Variants in SHANK2 observed in about 807,000 individuals in gnomAD.
SHANK2 encodes the protein SH3 and multiple ankyrin repeat domains protein 2.
A neutral mutation model predicts 133.7 loss-of-function variants in SHANK2; 43 were observed. The observed-to-expected ratio is 0.32, with a 90% CI of 0.25 to 0.41. SHANK2 has a LOEUF of 0.41. Ranked by LOEUF, SHANK2 falls within the 10% of genes least tolerant of loss-of-function variation. The pLI, the probability that SHANK2 is intolerant of heterozygous loss-of-function variation, is 1.00. For missense variants in SHANK2, 1,994 were observed against 2,235.8 expected, an observed-to-expected ratio of 0.89 and a Z score of 2.18; for synonymous variants, 1,017 against 952.8, an observed-to-expected ratio of 1.07 and a Z score of -1.24.
intron 17 of SHANK2, among the ~76,000 whole-genome samples, chr11:70,527,740 G>T (rs1217817100): frequency 2.0e-5 from 3 of 152,186 alleles, no homozygotes; most frequent in Non-Finnish European, 4.4e-5. Flanking sequence ...CATGGAGAAG[G>T]CCCCTCTGAT....
At chr11:71,244,996 A>C (rs1378343185) in intron 1 of SHANK2, among the ~76,000 whole-genome samples, 1 of 149,390 alleles carries the variant, frequency 6.7e-6, no homozygotes, top group Non-Finnish European at 1.5e-5. Flanking sequence ...GAGCCACTGC[A>C]CTATTTTTTT....
At chr11:70,571,670 G>C (rs1554983113) in intron 17 of SHANK2, among the ~76,000 whole-genome samples, 2 of 152,104 alleles carry the variant, frequency 1.3e-5, no homozygotes, top group African/African-American at 2.4e-5. Context: ...CCAGGTGTCT[G>C]TGCAGGGAGC....
chr11:70,740,961 T>C (rs909068869), intron 14 of SHANK2, among the ~76,000 whole-genome samples: 1 of 152,182 alleles, frequency 6.6e-6, no homozygotes, highest in Non-Finnish European at 1.5e-5. Flanking sequence ...CTGAGACTGA[T>C]TTGATGGGCA....
chr11:71,075,999 T>C (rs1467570017), intron 8 of SHANK2, among the ~76,000 whole-genome samples: 1 of 152,144 alleles, frequency 6.6e-6, no homozygotes, highest in Non-Finnish European at 1.5e-5. Flanking sequence ...AAACAACCCT[T>C]AACCCTCACA....
intron 10 of SHANK2, among the ~76,000 whole-genome samples, chr11:70,918,667 G>A (rs1950304720): frequency 6.6e-6 from 1 of 151,932 alleles, no homozygotes; most frequent in Admixed American, 6.5e-5. Context: ...AACTACACCT[G>A]GCTAATTTTC....
At chr11:70,707,351 G>A (rs1174612594) in intron 14 of SHANK2, among the ~76,000 whole-genome samples, 1 of 125,322 alleles carries the variant, frequency 8.0e-6, no homozygotes, top group South Asian at 2.8e-4. Flanking sequence ...CAGCCTGGGC[G>A]ACAGAGTGAA....
chr11:71,251,415 T>G (rs1555125836), intron 1 of SHANK2, among the ~76,000 whole-genome samples: 1 of 152,022 alleles, frequency 6.6e-6, no homozygotes, highest in African/African-American at 2.4e-5. Context: ...TGGTCGCACC[T>G]GCTGGCTCAG....
chr11:70,719,632 C>T (rs549719607), intron 14 of SHANK2, among the ~76,000 whole-genome samples: 1 of 152,058 alleles, frequency 6.6e-6, no homozygotes, highest in Non-Finnish European at 1.5e-5. Flanking sequence ...ATAAAAATAG[C>T]CCTACCTGGC....
intron 14 of SHANK2, among the ~76,000 whole-genome samples, chr11:70,720,970 T>C (rs1946063903): frequency 6.6e-6 from 1 of 152,226 alleles, no homozygotes; most frequent in Non-Finnish European, 1.5e-5. Context: ...ATCTCAAGGC[T>C]TTCTTTCCCT....
intron 12 of SHANK2, among the ~76,000 whole-genome samples, chr11:70,819,336 G>A (rs1248575724): frequency 6.6e-6 from 1 of 152,258 alleles, no homozygotes; most frequent in African/African-American, 2.4e-5. Context: ...AACTCCTGGA[G>A]CAGCTGTACC....
At chr11:71,193,414 G>A (rs1187571678) in intron 2 of SHANK2, among the ~76,000 whole-genome samples, 5 of 152,292 alleles carry the variant, frequency 3.3e-5, no homozygotes, top group East Asian at 1.9e-4. Flanking sequence ...GCTCCACTAC[G>A]ATCAGCAGAG....
chr11:71,058,248 G>T (rs36189518), intron 9 of SHANK2, among the ~76,000 whole-genome samples: 54,497 of 152,026 alleles, frequency 0.36, 13,631 homozygotes, highest in African/African-American at 0.71. Context: ...TGATTGGGCA[G>T]CTACCATTTG....
At chr11:70,706,537 C>A (rs966148373) in intron 14 of SHANK2, among the ~76,000 whole-genome samples, 1 of 152,222 alleles carries the variant, frequency 6.6e-6, no homozygotes, top group East Asian at 1.9e-4. Context: ...TGGGCCTTCC[C>A]CTTCTCAGCT....
chr11:70,829,605 G>A (rs1247781097), intron 11 of SHANK2, among the ~76,000 whole-genome samples: 24 of 135,852 alleles, frequency 1.8e-4, no homozygotes, highest in Non-Finnish European at 3.1e-5. Context: ...CTCAGCCTGT[G>A]CAGGGGTGAG....
chr11:70,747,354 T>C (rs1946662190), intron 14 of SHANK2, among the ~76,000 whole-genome samples: 1 of 152,150 alleles, frequency 6.6e-6, no homozygotes, highest in Admixed American at 6.5e-5. Context: ...ACCAGCTGGC[T>C]ACCCGGAGAA....
intron 11 of SHANK2, among the ~76,000 whole-genome samples, chr11:70,873,741 A>AT (rs34001080): frequency 0.024 from 3,323 of 139,896 alleles, 67 homozygotes; most frequent in East Asian, 0.1. Context: ...TCCATTTACC[A>AT]TTTTTTTTTT....
chr11:70,887,837 G>A (rs1042123872), intron 11 of SHANK2, among the ~76,000 whole-genome samples: 1 of 152,078 alleles, frequency 6.6e-6, no homozygotes, highest in Non-Finnish European at 1.5e-5. Flanking sequence ...ATATTGAGAA[G>A]TGTGACCCAA....
intron 16 of SHANK2, among the ~76,000 whole-genome samples, chr11:70,660,414 C>T (rs529954544): frequency 6.6e-6 from 1 of 152,360 alleles, no homozygotes; most frequent in African/African-American, 2.4e-5. Flanking sequence ...ATCACGCTGA[C>T]CCAGTGGGTG....
chr11:70,764,118 CCACA>C (rs1206620563), intron 14 of SHANK2, among the ~76,000 whole-genome samples: 1 of 123,990 alleles, frequency 8.1e-6, no homozygotes, highest in Non-Finnish European at 1.7e-5. Context: ...ACCCACCCAC[CCACA>C]CATCAAGCCT....
Sources: gnomAD v4.1 joint callset for allele counts (sites outside exome capture counted in the v4.1 genomes callset) on GRCh38, gnomAD v4.1.1 for gene constraint, MANE v1.5 for transcripts, NCBI Gene and HGNC (gene_info 2026-07-23, HGNC 2026-07-21) for gene names.